The following AMOTL1 variants were observed in gnomAD, a reference collection of about 807,000 sequenced individuals.
AMOTL1 encodes the protein angiomotin like 1, also known as angiomotin-like protein 1.
Under a neutral mutation model 102.9 loss-of-function variants are expected in AMOTL1, and 45 were observed. That is an observed-to-expected ratio of 0.44 (90% CI 0.34 to 0.56). The LOEUF is 0.56. Ranked by LOEUF, AMOTL1 falls within the 20% of genes least tolerant of loss-of-function variation. The probability of loss-of-function intolerance (pLI) is 0.01; values close to 1 mark genes in which losing one functional copy is unlikely to be tolerated. For missense variants in AMOTL1, 1,114 were observed against 1,225.6 expected (o/e 0.91, Z 1.36); for synonymous variants, 481 against 484.7 (o/e 0.99, Z 0.10).
At position 94,821,715 on chromosome 11, in the gene AMOTL1, C is replaced by A. The variant is rs766155652; in HGVS notation, c.1307C>A (p.Ala436Glu). ...PSQQLGPDAF[A>E]IVERAQQMVE... Reference sequence around the variant, plus strand: ...CAGCAGCTTGGTCCAGATGCCTTTGCGATTGTGGAGCGAGCCCAGCAAATG... The same window carrying A: ...CAGCAGCTTGGTCCAGATGCCTTTGAGATTGTGGAGCGAGCCCAGCAAATG... The change falls in exon 4 of 13, where the codon GCG becomes GAG. Residue 436 changes from alanine to glutamate, a missense_variant. Physicochemically the swap from Ala to Glu is moderately radical, Grantham distance 107 (BLOSUM62 -1). Coordinates refer to ENST00000433060, the MANE Select transcript of AMOTL1 (RefSeq NM_130847.3). The A allele has an allele frequency of 9.3e-6, 15 of 1,613,884 alleles. No individual in the cohort carries two copies. Among genetic ancestry groups the A allele is most frequent in the Non-Finnish European group, 1.0e-5 (12 of 1,179,888 alleles).
At chr11:94,754,214 G>A (rs1472766132) in intron 3 of AMOTL1, among the ~76,000 whole-genome samples, 1 of 152,192 alleles carries the variant, frequency 6.6e-6, no homozygotes, top group African/African-American at 2.4e-5. Context: ...CCCCAGAGAA[G>A]AGGAACCCGA....
chr11:94,819,024 A>G (rs1337755921), intron 3 of AMOTL1, among the ~76,000 whole-genome samples: 1 of 151,588 alleles, frequency 6.6e-6, no homozygotes, highest in African/African-American at 2.4e-5. Context: ...TCCTCCTCCT[A>G]TTTTCTCTTC....
chr11:94,739,653 A>T (rs2135474145), intron 2 of AMOTL1, among the ~76,000 whole-genome samples: 1 of 152,270 alleles, frequency 6.6e-6, no homozygotes, highest in Non-Finnish European at 1.5e-5. Flanking sequence ...TTGACCCTCC[A>T]ATAGTCCTCC....
intron 6 of AMOTL1, among the ~76,000 whole-genome samples, chr11:94,849,282 A>G (rs1952482063): frequency 1.3e-5 from 2 of 152,230 alleles, no homozygotes; most frequent in Non-Finnish European, 2.9e-5. Context: ...TTTCCATATT[A>G]TAAGCAATGT....
intron 3 of AMOTL1, among the ~76,000 whole-genome samples, chr11:94,812,156 G>A (rs1329568131): frequency 6.6e-6 from 1 of 152,200 alleles, no homozygotes; most frequent in Admixed American, 6.5e-5. Context: ...AGCACCCATA[G>A]ATTTGTCAAA....
chr11:94,864,465 G>A (rs1952836667), intron 9 of AMOTL1, among the ~76,000 whole-genome samples: 1 of 152,126 alleles, frequency 6.6e-6, no homozygotes. Flanking sequence ...ATTCAGGAGA[G>A]GAAAAGTGGG....
chr11:94,727,443 C>T (rs1183113413), intron 1 of AMOTL1, among the ~76,000 whole-genome samples: 1 of 152,188 alleles, frequency 6.6e-6, no homozygotes, highest in East Asian at 1.9e-4. Context: ...TGGCAGACTA[C>T]TTCTAGCCTC....
At chr11:94,866,216 A>G in intron 11 of AMOTL1, 48 bp downstream of exon 11, 1 of 1,569,858 alleles carries the variant, frequency 6.4e-7, no homozygotes, top group Non-Finnish European at 8.7e-7. Context: ...GCAAGACCAG[A>G]CAGCTTCTCT....
At chr11:94,804,859 G>A (rs1288443359) in intron 3 of AMOTL1, among the ~76,000 whole-genome samples, 1 of 152,220 alleles carries the variant, frequency 6.6e-6, no homozygotes, top group Non-Finnish European at 1.5e-5. Flanking sequence ...AGTCATAGCA[G>A]GAGGGTGAAA....
At chr11:94,858,373 G>A (rs1027547343) in intron 8 of AMOTL1, among the ~76,000 whole-genome samples, 1 of 152,120 alleles carries the variant, frequency 6.6e-6, no homozygotes, top group African/African-American at 2.4e-5. Context: ...TTAAAAAACT[G>A]AATAAAAACA....
intron 9 of AMOTL1, among the ~76,000 whole-genome samples, chr11:94,861,663 C>A (rs192176931): frequency 1.3e-5 from 2 of 152,252 alleles, no homozygotes; most frequent in East Asian, 3.9e-4. Flanking sequence ...GAGCAGGGAA[C>A]CTGACCACAT....
upstream of AMOTL1, among the ~76,000 whole-genome samples, chr11:94,764,772 A>G (rs1950835471): frequency 6.6e-6 from 1 of 152,234 alleles, no homozygotes; most frequent in Non-Finnish European, 1.5e-5. Context: ...GAGTATTTAA[A>G]TTCCTTGGTA....
intron 3 of AMOTL1, among the ~76,000 whole-genome samples, chr11:94,813,421 A>G (rs1440611201): frequency 6.6e-6 from 1 of 152,162 alleles, no homozygotes; most frequent in Non-Finnish European, 1.5e-5. Flanking sequence ...TTCATGTTGA[A>G]ATAACTGGGA....
intron 3 of AMOTL1, among the ~76,000 whole-genome samples, chr11:94,741,398 C>T (rs946887554): frequency 3.3e-5 from 5 of 152,256 alleles, no homozygotes; most frequent in Admixed American, 3.3e-4. Context: ...GTACCTGGCA[C>T]GAGAAGGACG....
Position 94,841,344 on chromosome 11 carries a change from C to G in AMOTL1, c.1649-8770C>G, listed in dbSNP as rs182816715. On this transcript the variant is annotated intron_variant, in intron 6 of 12. Transcript: ENST00000433060. ...GCACGCACCTGTAATCCCAGCTATT[C>G]TGGAGGCTGGGGCAGGAGAATCGCA... Among the ~76,000 whole-genome samples, 24 of 152,192 alleles carry G rather than the reference C, an allele frequency of 1.6e-4. No homozygotes were observed. In the South Asian group the frequency reaches 4.4e-3, roughly 28 times the overall value.
At chr11:94,732,413 TGAAGG>T (rs768362495) in intron 2 of AMOTL1, among the ~76,000 whole-genome samples, 4 of 152,150 alleles carry the variant, frequency 2.6e-5, no homozygotes, top group Non-Finnish European at 5.9e-5. Context: ...AAGGAGTTTC[TGAAGG>T]GAAGTCCCTC....
intron 3 of AMOTL1, among the ~76,000 whole-genome samples, chr11:94,816,932 T>C (rs1951776322): frequency 6.6e-6 from 1 of 152,192 alleles, no homozygotes; most frequent in African/African-American, 2.4e-5. Flanking sequence ...TCAGTTTCTC[T>C]ATAAAGTAAC....
intron 6 of AMOTL1, among the ~76,000 whole-genome samples, chr11:94,835,825 A>G (rs766569691): frequency 2.0e-5 from 3 of 152,240 alleles, no homozygotes; most frequent in South Asian, 4.1e-4. Context: ...TGGACATTCA[A>G]TGATTTGTTT....
chr11:94,775,276 A>T (rs1337122304), intron 1 of AMOTL1, among the ~76,000 whole-genome samples: 1 of 152,228 alleles, frequency 6.6e-6, no homozygotes, highest in South Asian at 2.1e-4. Flanking sequence ...GACCATGGAC[A>T]TACTCAGGGA....
Sources: allele counts gnomAD v4.1 joint callset (sites outside exome capture counted in the v4.1 genomes callset), GRCh38; gene constraint gnomAD v4.1.1; transcripts MANE v1.5; gene names NCBI Gene and HGNC (gene_info 2026-07-23, HGNC 2026-07-21).